CDON: variants seen among roughly 807,000 people sequenced by gnomAD.
The protein encoded by CDON is cell adhesion molecule-related/down-regulated by oncogenes.
A neutral mutation model predicts 120.9 loss-of-function variants in CDON; 73 were observed. The observed-to-expected ratio is 0.60, with a 90% confidence interval of 0.50 to 0.73. The LOEUF is 0.73. CDON is among the 30% of genes least tolerant of loss of function. The pLI is 0.00. For synonymous variants in CDON, 566 were observed against 573.5 expected (o/e 0.99, Z 0.19); for missense variants, 1,470 against 1,587.3 (o/e 0.93, Z 1.26).
intron 18 of CDON, among the ~76,000 whole-genome samples, chr11:125,970,861 A>G (rs1324353950): frequency 6.6e-6 from 1 of 152,242 alleles, no homozygotes; most frequent in Non-Finnish European, 1.5e-5. Context: ...GAAGTACGAG[A>G]CAGACTTGGG....
chr11:126,011,783 T>C (rs1947310189), intron 7 of CDON, among the ~76,000 whole-genome samples: 1 of 152,238 alleles, frequency 6.6e-6, no homozygotes, highest in African/African-American at 2.4e-5. Flanking sequence ...TACCCACAGA[T>C]CATACATTCT....
At chr11:126,050,501 C>A (rs1007268372) in intron 1 of CDON, among the ~76,000 whole-genome samples, 1 of 145,230 alleles carries the variant, frequency 6.9e-6, no homozygotes, top group Non-Finnish European at 1.5e-5. Context: ...AGCAAACACA[C>A]ACACACACAC....
chr11:125,974,117 A>G (rs1484480242), intron 18 of CDON, among the ~76,000 whole-genome samples: 1 of 151,750 alleles, frequency 6.6e-6, no homozygotes. Flanking sequence ...GTTGGTCTCA[A>G]ACTCCTGACC....
chr11:126,047,564 G>T (rs1029384894), intron 1 of CDON, among the ~76,000 whole-genome samples: 1 of 152,196 alleles, frequency 6.6e-6, no homozygotes, highest in African/African-American at 2.4e-5. Flanking sequence ...AACAGCAACA[G>T]CAACTGCTCG....
chr11:126,048,517 G>A lies in CDON; in HGVS notation c.-62+14062C>T, dbSNP rs139937383. Among the ~76,000 whole-genome samples the A allele has an allele frequency of 9.2e-3, 1,402 of 152,100 alleles. 6 individuals carry two copies. The highest frequency in any genetic ancestry group is 0.02 in the Middle Eastern group (6 of 294). ...ATATTTTATAGTTAGAAGGCAAAGCGTCAAAAATCCCTTAAGTTAAAGCCA... is the reference window on the plus strand; with the variant it reads ...ATATTTTATAGTTAGAAGGCAAAGCATCAAAAATCCCTTAAGTTAAAGCCA... On this transcript the variant is annotated intron_variant, in intron 1 of 19. Coordinates refer to ENST00000531738, the MANE Select transcript of CDON (RefSeq NM_001378964.1).
chr11:125,966,171 G>A (rs1945795346), intron 18 of CDON, among the ~76,000 whole-genome samples: 2 of 151,786 alleles, frequency 1.3e-5, no homozygotes, highest in African/African-American at 4.8e-5. Context: ...AAAAGTACTG[G>A]GCACATCAGG....
intron 15 of CDON, among the ~76,000 whole-genome samples, chr11:125,987,504 A>G (rs544545712): frequency 2.6e-5 from 4 of 152,352 alleles, no homozygotes; most frequent in African/African-American, 9.6e-5. Flanking sequence ...TGTAATATGT[A>G]ATTACGTAAA....
intron 18 of CDON, among the ~76,000 whole-genome samples, chr11:125,969,190 G>T (rs1470444212): frequency 6.6e-6 from 1 of 152,160 alleles, no homozygotes; most frequent in Non-Finnish European, 1.5e-5. Context: ...TAGAGACAGG[G>T]TTTCTCCATG....
rs115115636 is a variant in CDON, at chr11:125,971,736, A to C, written c.3356+6568T>G. ...CAGTCTCTCTACGACCCTTCGAGTT[A>C]ATTTCTCATTCCTTCCTGATGGGGT... On this transcript the variant is annotated intron_variant, in intron 18 of 19. Transcript: ENST00000531738. Among the ~76,000 whole-genome samples the C allele has an allele frequency of 7.4e-3, 1,118 of 152,024 alleles. 14 individuals carry two copies. The highest frequency in any genetic ancestry group is 0.026 in the African/African-American group (1,073 of 41,452).
At chr11:126,040,510 A>G (rs1948224908) in intron 1 of CDON, among the ~76,000 whole-genome samples, 1 of 152,186 alleles carries the variant, frequency 6.6e-6, no homozygotes, top group Non-Finnish European at 1.5e-5. Context: ...ATTATAGGAT[A>G]TATAATTAAA....
At chr11:125,992,342 T>C (rs1946654407) in intron 14 of CDON, among the ~76,000 whole-genome samples, 2 of 152,298 alleles carry the variant, frequency 1.3e-5, no homozygotes, top group South Asian at 4.1e-4. Context: ...TATCCTTCCA[T>C]TTCTTTTTAA....
intron 1 of CDON, among the ~76,000 whole-genome samples, chr11:126,039,972 T>C (rs1948211756): frequency 6.6e-6 from 1 of 152,170 alleles, no homozygotes; most frequent in Non-Finnish European, 1.5e-5. Flanking sequence ...CTGTTTTCCT[T>C]CCGCACTTAT....
rs1945598376 is a variant in CDON at position 125,960,014 on chromosome 11, TAC to T, written c.*926_*927del. ...ATACTGCCGTAATTCATCAAGACCT[TAC>T]ACTCCACCACGTCCATAACACTATG... is the stretch of plus-strand genomic sequence containing the variant. On this transcript the variant is annotated 3_prime_UTR_variant, in exon 20 of 20. Coordinates refer to ENST00000531738, the MANE Select transcript of CDON (RefSeq NM_001378964.1). The T allele has an allele frequency of 6.6e-6, 1 of 152,204 alleles. No homozygotes were observed. Among genetic ancestry groups the T allele is most frequent in the Non-Finnish European group, 1.5e-5 (1 of 68,034 alleles). 9.4% of individuals were successfully genotyped at this position (152,204 alleles called of 1,614,324 possible).
chr11:126,012,382 GCTGGTA>G (rs1223840796), intron 7 of CDON, among the ~76,000 whole-genome samples: 1 of 151,894 alleles, frequency 6.6e-6, no homozygotes, highest in Non-Finnish European at 1.5e-5. Flanking sequence ...TCTGTTTGTT[GCTGGTA>G]TGCAGAAAGG....
chr11:126,059,151 C>T (rs890472653), intron 1 of CDON, among the ~76,000 whole-genome samples: 5 of 152,184 alleles, frequency 3.3e-5, no homozygotes, highest in Non-Finnish European at 7.3e-5. Flanking sequence ...GTTATTAAAA[C>T]GATACATCAG....
At chr11:125,971,583 T>C (rs1252337425) in intron 18 of CDON, among the ~76,000 whole-genome samples, 2 of 152,188 alleles carry the variant, frequency 1.3e-5, no homozygotes, top group Non-Finnish European at 2.9e-5. Context: ...CTCTGTTCTC[T>C]AAAGCACCGT....
Position 125,958,417 on chromosome 11 carries a change from G to C in CDON, c.*2525C>G, listed in dbSNP as rs1945542389. ...TAGTTATTCAGCACGTGTTAGTGCTGTCTCCCACACTGTACCATGTCCTCT... is the reference window on the plus strand; with the variant it reads ...TAGTTATTCAGCACGTGTTAGTGCTCTCTCCCACACTGTACCATGTCCTCT... On this transcript the variant is annotated 3_prime_UTR_variant, in exon 20 of 20. Coordinates refer to ENST00000531738, the MANE Select transcript of CDON (RefSeq NM_001378964.1). 6.6e-6 allele frequency: 1 copy of C among 152,118 alleles called. No homozygotes were observed. The allele number at this position is 152,118 out of a possible 1,614,324, so 9.4% of individuals were successfully genotyped here. A position where few individuals can be genotyped will look rare whatever the true frequency, so the allele number is the denominator to read the frequency against.
chr11:126,059,056 C>G (rs1948737877), intron 1 of CDON, among the ~76,000 whole-genome samples: 2 of 152,164 alleles, frequency 1.3e-5, no homozygotes, highest in Non-Finnish European at 2.9e-5. Flanking sequence ...CAATAGTAAA[C>G]TAAAATATGC....
chr11:125,967,831 C>T (rs912367958), intron 18 of CDON, among the ~76,000 whole-genome samples: 1 of 152,166 alleles, frequency 6.6e-6, no homozygotes, highest in Non-Finnish European at 1.5e-5. Context: ...GTATATTCTT[C>T]CATATTGCAT....
Sources: gnomAD v4.1 joint callset for allele counts (sites outside exome capture counted in the v4.1 genomes callset) on GRCh38, gnomAD v4.1.1 for gene constraint, MANE v1.5 for transcripts, NCBI Gene and HGNC (gene_info 2026-07-23, HGNC 2026-07-21) for gene names.